NCKAP5: variants seen among roughly 807,000 people sequenced by gnomAD.
NCKAP5 encodes the protein nck-associated protein 5.
Under a neutral mutation model 167.0 loss-of-function variants are expected in NCKAP5, and 92 were observed. The observed-to-expected ratio is 0.55, with a 90% CI of 0.47 to 0.66. The LOEUF is 0.66. Among genes scored for constraint, NCKAP5 ranks in the 30% least tolerant of loss-of-function variants. The probability of loss-of-function intolerance (pLI) is 0.00; values close to 1 mark genes in which losing one functional copy is unlikely to be tolerated. For synonymous variants in NCKAP5, 891 were observed against 877.4 expected, an observed-to-expected ratio of 1.02 and a Z score of -0.27; for missense variants, 2,378 against 2,315.0, an observed-to-expected ratio of 1.03 and a Z score of -0.56.
At chr2:133,659,372 C>G in the NCKAP5 span, among the ~76,000 whole-genome samples, 1 of 152,086 alleles carries the variant, frequency 6.6e-6, no homozygotes, top group African/African-American at 2.4e-5. Flanking sequence ...AACATAAAAG[C>G]TAAAAGTATA....
chr2:133,560,782 T>C (rs908285501), intron 1 of NCKAP5, among the ~76,000 whole-genome samples: 15 of 152,212 alleles, frequency 9.9e-5, no homozygotes, highest in Admixed American at 7.9e-4. Context: ...AGAAGATTCT[T>C]GTCCAGCTGC....
intron 9 of NCKAP5, among the ~76,000 whole-genome samples, chr2:132,875,875 G>A (rs573549948): frequency 3.3e-5 from 5 of 152,288 alleles, no homozygotes; most frequent in South Asian, 2.1e-4. Context: ...AGGTGTGTGC[G>A]CATGCATTTG....
In NCKAP5 at chr2:133,492,119, C is replaced by T. The variant is rs181326895; in HGVS notation, c.69+25339G>A. On this transcript the variant is annotated intron_variant, in intron 3 of 19. Transcript: ENST00000409261. ...CATCCTGCCCCCAATCCCTGCTCTA[C>T]CTGTATCCTATGCCATATCTAGTTA... 1.4e-3 allele frequency among the ~76,000 whole-genome samples: 141 copies of T among 99,888 alleles called. 1 individual carries two copies. Among genetic ancestry groups the T allele is most frequent in the African/African-American group, 4.5e-3 (116 of 26,064 alleles). 65.5% of individuals were successfully genotyped at this position (99,888 alleles called of 152,430 possible).
intron 7 of NCKAP5, among the ~76,000 whole-genome samples, chr2:132,978,491 T>C (rs1419794363): frequency 2.6e-5 from 4 of 152,172 alleles, no homozygotes; most frequent in African/African-American, 9.7e-5. Context: ...ATAGGCAAAA[T>C]GAGGTGGTTG....
intron 16 of NCKAP5, among the ~76,000 whole-genome samples, chr2:132,769,921 C>A (rs762773874): frequency 6.6e-6 from 1 of 152,316 alleles, no homozygotes; most frequent in Non-Finnish European, 1.5e-5. Context: ...ATGGTAATCA[C>A]GGCCAAGTAA....
rs868115266 is a variant in NCKAP5 at position 133,473,758 on chromosome 2, G to A, written c.69+43700C>T. Among the ~76,000 whole-genome samples the A allele has an allele frequency of 1.0e-3, 157 of 152,278 alleles. 2 individuals carry two copies. The highest frequency in any genetic ancestry group is 3.4e-3 in the African/African-American group (143 of 41,556). On this transcript the variant is annotated intron_variant, in intron 3 of 19. Coordinates refer to ENST00000409261, the MANE Select transcript of NCKAP5 (RefSeq NM_207363.3). ...AAAATTACCCCTCGTTGTATATGCT[G>A]TAACTTCTGACTGAATAGCCTCATA...
At chr2:133,358,298 G>A (rs1684873210) in intron 3 of NCKAP5, among the ~76,000 whole-genome samples, 1 of 152,156 alleles carries the variant, frequency 6.6e-6, no homozygotes, top group Admixed American at 6.5e-5. Flanking sequence ...GAACCAGGCT[G>A]AGTGCAGTGG....
intron 19 of NCKAP5, among the ~76,000 whole-genome samples, chr2:132,719,965 G>A (rs1482680020): frequency 6.6e-6 from 1 of 152,204 alleles, no homozygotes; most frequent in African/African-American, 2.4e-5. Context: ...ACACAGCCAG[G>A]TAGATGAAAC....
At chr2:133,260,116 C>T (rs543084793) in intron 4 of NCKAP5, among the ~76,000 whole-genome samples, 1 of 152,308 alleles carries the variant, frequency 6.6e-6, no homozygotes, top group East Asian at 1.9e-4. Context: ...TGGGCAGATG[C>T]ATGTGATGTC....
chr2:132,799,324 A>G (rs950772155), intron 11 of NCKAP5, among the ~76,000 whole-genome samples: 1 of 152,060 alleles, frequency 6.6e-6, no homozygotes, highest in African/African-American at 2.4e-5. Context: ...CGGTGATGGG[A>G]CCTGCATCCA....
the NCKAP5 span, among the ~76,000 whole-genome samples, chr2:133,603,641 C>T: frequency 2.6e-5 from 4 of 151,944 alleles, no homozygotes; most frequent in East Asian, 1.9e-4. Context: ...TGGGTTCAAG[C>T]GATTCTCCTG....
rs1430506171 is a variant in NCKAP5 at position 132,782,086 on chromosome 2, T to G, written c.4725A>C (p.Ala1575=). The part of the protein sequence containing the change: ...ENELIKDTKS[A]DNPDGGLQSK... ...TTTGTAAACCGCCATCTGGATTATC[T>G]GCTGACTTGGTGTCCTTGATAAGCT... The change falls in exon 14 of 20, where the codon GCA becomes GCC. Residue 1575 remains alanine, a synonymous_variant. Transcript: ENST00000409261. 1 of 1,614,070 alleles carries G rather than the reference T, an allele frequency of 6.2e-7. No individual in the cohort carries two copies. The highest frequency in any genetic ancestry group is 8.5e-7 in the Non-Finnish European group (1 of 1,179,892).
intron 5 of NCKAP5, among the ~76,000 whole-genome samples, chr2:133,137,451 T>TGTGTGTGTG (rs1559179692): frequency 2.0e-4 from 29 of 141,670 alleles, no homozygotes; most frequent in Non-Finnish European, 2.5e-4. Flanking sequence ...TGTGTGTGTG[T>TGTGTGTGTG]TTTGGAAAAG....
intron 19 of NCKAP5, among the ~76,000 whole-genome samples, chr2:132,684,804 T>C (rs768699065): frequency 6.6e-6 from 1 of 152,168 alleles, no homozygotes; most frequent in Non-Finnish European, 1.5e-5. Context: ...CTATCCGTTC[T>C]GACATCCCAA....
chr2:133,634,349 G>A, the NCKAP5 span, among the ~76,000 whole-genome samples: 1 of 152,058 alleles, frequency 6.6e-6, no homozygotes, highest in South Asian at 2.1e-4. Context: ...ATTCTCCCAG[G>A]CATTTTTTAC....
At position 132,885,417 on chromosome 2, in the gene NCKAP5, G is replaced by A. The variant is rs1387694045; in HGVS notation, c.580-6501C>T. ...AATATGCCCAGAGGATGCAGTTAGA[G>A]CATTCAAGTAAATGTAACAGTGAAT... is the stretch of plus-strand genomic sequence containing the variant. On this transcript the variant is annotated intron_variant, in intron 8 of 19. Transcript: ENST00000409261. Among the ~76,000 whole-genome samples, 3 of 152,176 alleles carry A rather than the reference G, an allele frequency of 2.0e-5. No homozygotes were observed. The East Asian group carries it at 5.8e-4, about 29-fold the overall frequency.
At chr2:133,218,764 TA>T (rs1298482479) in intron 4 of NCKAP5, among the ~76,000 whole-genome samples, 3 of 152,144 alleles carry the variant, frequency 2.0e-5, no homozygotes, top group Admixed American at 1.3e-4. Flanking sequence ...TACTAAATGA[TA>T]AAAGAGTCCT....
intron 15 of NCKAP5, 131 bp downstream of exon 15, chr2:132,780,921 T>G: frequency 1.0e-6 from 1 of 979,824 alleles, no homozygotes; most frequent in Admixed American, 3.1e-5. Context: ...TTACAAATCC[T>G]TTTTCACTGA....
chr2:133,204,783 A>C (rs1403813201), intron 5 of NCKAP5, among the ~76,000 whole-genome samples: 1 of 152,198 alleles, frequency 6.6e-6, no homozygotes, highest in African/African-American at 2.4e-5. Context: ...TCAGACTTCT[A>C]AAGTTTTCCC....
Sources: allele counts gnomAD v4.1 joint callset (sites outside exome capture counted in the v4.1 genomes callset), GRCh38; gene constraint gnomAD v4.1.1; transcripts MANE v1.5; gene names NCBI Gene and HGNC (gene_info 2026-07-23, HGNC 2026-07-21).